The following PABPC4 variants were observed in gnomAD, a reference collection of about 807,000 sequenced individuals.
The protein encoded by PABPC4 is poly(A) binding protein cytoplasmic 4.
A neutral mutation model predicts 74.5 loss-of-function variants in PABPC4; 15 were observed. The observed-to-expected ratio is 0.20, with a 90% CI of 0.13 to 0.31. PABPC4 has a LOEUF of 0.31. Ranked by LOEUF, PABPC4 falls within the 10% of genes least tolerant of loss-of-function variation. The probability of loss-of-function intolerance (pLI) is 1.00; values close to 1 mark genes in which losing one functional copy is unlikely to be tolerated. For synonymous variants in PABPC4, 345 were observed against 303.0 expected (o/e 1.14, Z -1.44); for missense variants, 610 against 853.5 (o/e 0.71, Z 3.55).
At position 39,570,756 on chromosome 1, in the gene PABPC4, G is replaced by C. The variant is rs189237724; in HGVS notation, c.503+478C>G. ...TTACTGTGGAGCCAGCCTTGTATTAGGTCACTGAGTCATAAGTTAGAAAAT... is the reference window on the plus strand; with the variant it reads ...TTACTGTGGAGCCAGCCTTGTATTACGTCACTGAGTCATAAGTTAGAAAAT... On this transcript the variant is annotated intron_variant, in intron 3 of 15. Coordinates refer to ENST00000372858, the MANE Select transcript of PABPC4 (RefSeq NM_001135653.2). 3.6e-5 allele frequency: 6 copies of C among 167,060 alleles called. No individual in the cohort carries two copies. The East Asian group carries it at 9.5e-4, about 26-fold the overall frequency. The allele number at this position is 167,060 out of a possible 1,614,324, so 10.3% of individuals were successfully genotyped here.
Position 39,571,301 on chromosome 1 carries a change from C to T in PABPC4, c.436G>A (p.Glu146Lys), listed in dbSNP as rs1283402462. The change falls in exon 3 of 16, where the codon GAG (glutamate) becomes AAG (lysine). Residue 146 changes from glutamate to lysine, a missense_variant. By Grantham distance (56) the Glu-to-Lys change is moderately conservative (BLOSUM62 1). Transcript: ENST00000372858. ...GCCTTGTCGGCAGCCTCTTGGGTCT[C>T]GAAGTGGACAAAGGCATAACCCTTA... ...GSKGYAFVHFETQEAADKAIE... is the reference protein window; with the variant it reads ...GSKGYAFVHFKTQEAADKAIE... The T allele has an allele frequency of 6.2e-7, 1 of 1,614,166 alleles. No homozygotes were observed. Among genetic ancestry groups the T allele is most frequent in the Non-Finnish European group, 8.5e-7 (1 of 1,180,010 alleles).
At chr1:39,572,761 A>C (rs914482727) in intron 1 of PABPC4, 175 bp from the exon 2 acceptor site, 25 of 526,762 alleles carry the variant, frequency 4.7e-5, no homozygotes, top group African/African-American at 7.5e-5. Context: ...TAAGGGAAGC[A>C]TAAGTTCCAG....
intron 1 of PABPC4, among the ~76,000 whole-genome samples, chr1:39,574,409 T>C (rs930485665): frequency 2.0e-5 from 3 of 152,240 alleles, no homozygotes; most frequent in African/African-American, 4.8e-5. Context: ...GCTGCACTTA[T>C]TTATAGCAGG....
At chr1:39,561,612 C>G in intron 15 of PABPC4, 73 bp downstream of exon 15, 1 of 1,017,746 alleles carries the variant, frequency 9.8e-7, no homozygotes, top group Non-Finnish European at 1.5e-6. Context: ...TATACAACCT[C>G]AGGTCAAACC....
Position 39,567,863 on chromosome 1 carries a change from A to C in PABPC4, c.877-17T>G. On this transcript the variant is annotated splice_polypyrimidine_tract_variant and intron_variant, in intron 6 of 15. Coordinates refer to ENST00000372858, the MANE Select transcript of PABPC4 (RefSeq NM_001135653.2). ...ATTCACCCCCTGAAGGAAAAAGATC[A>C]CTGTTAACTACACTTCTATATCACA... is the stretch of plus-strand genomic sequence containing the variant. 4 of 1,347,058 alleles carry C rather than the reference A, an allele frequency of 3.0e-6. No individual in the cohort carries two copies. Among genetic ancestry groups the C allele is most frequent in the Non-Finnish European group, 4.3e-6 (4 of 937,792 alleles). The allele number at this position is 1,347,058 out of a possible 1,614,324, so 83.4% of individuals were successfully genotyped here. A position where few individuals can be genotyped will look rare whatever the true frequency, so the allele number is the denominator to read the frequency against.
intron 12 of PABPC4, chr1:39,563,382 C>T: frequency 1.9e-6 from 1 of 515,124 alleles, no homozygotes; most frequent in Non-Finnish European, 3.4e-6. Context: ...AGAGGAAGCA[C>T]TGGCTGCCCG....
In PABPC4 at chr1:39,560,964, T is replaced by A. The variant is rs753225483; in HGVS notation, c.*172A>T. The A allele has an allele frequency of 3.0e-6, 1 of 328,698 alleles. No homozygotes were observed. The highest frequency in any genetic ancestry group is 6.3e-6 in the Non-Finnish European group (1 of 157,636). The allele number at this position is 328,698 out of a possible 1,614,324, so 20.4% of individuals were successfully genotyped here. Reference sequence around the variant, plus strand: ...GCAGAACCCAAAGAACATATTCGTATAATTGAAAAATTCTAGGTGCTTCAT... The same window carrying A: ...GCAGAACCCAAAGAACATATTCGTAAAATTGAAAAATTCTAGGTGCTTCAT... On this transcript the variant is annotated 3_prime_UTR_variant, in exon 16 of 16. Transcript: ENST00000372858.
intron 7 of PABPC4, among the ~76,000 whole-genome samples, chr1:39,565,848 C>CAAAAA (rs138621048): frequency 0.051 from 7,672 of 151,466 alleles, 557 homozygotes; most frequent in African/African-American, 0.16. Context: ...CAAAACAAAA[C>CAAAAA]AAAACAAAAC....
chr1:39,569,774 A>G, intron 4 of PABPC4, 85 bp from the exon 5 acceptor site: 1 of 1,590,308 alleles, frequency 6.3e-7, no homozygotes, highest in Non-Finnish European at 8.6e-7. Context: ...ACTCACTTGA[A>G]GCAAATCTCT....
At chr1:39,564,227 A>C in intron 10 of PABPC4, 196 bp downstream of exon 10, 1 of 665,958 alleles carries the variant, frequency 1.5e-6, no homozygotes. Flanking sequence ...ATGAGCAAAG[A>C]ATGTTAAAAG....
At chr1:39,572,247 T>C in intron 2 of PABPC4, 146 bp downstream of exon 2, 2 of 649,348 alleles carry the variant, frequency 3.1e-6, no homozygotes, top group Non-Finnish European at 5.3e-6. Context: ...TGAGATTACC[T>C]ATGGGAACTT....
chr1:39,564,538 G>A lies in PABPC4; in HGVS notation c.1338C>T (p.Phe446=), dbSNP rs746103113. The A allele has an allele frequency of 7.4e-6, 12 of 1,613,976 alleles. No individual in the cohort carries two copies. Among genetic ancestry groups the A allele is most frequent in the Non-Finnish European group, 1.0e-5 (12 of 1,179,964 alleles). ...RWQQGGRPQG[F]QGMPSAIRQS... ...GGCGTATAGCACTTGGCATTCCTTG[G>A]AAGCCTGGTGAAGAGAAAAATTGCA... Residue 446 remains phenylalanine, a synonymous_variant, in exon 10 of 16, where the codon TTC becomes TTT. Coordinates refer to ENST00000372858, the MANE Select transcript of PABPC4 (RefSeq NM_001135653.2).
rs1645780770 is a variant in PABPC4 at position 39,562,539 on chromosome 1, G to A, written c.1669-123C>T. 1.2e-5 allele frequency: 8 copies of A among 685,612 alleles called. No individual in the cohort carries two copies. The South Asian group carries it at 1.4e-4, about 12-fold the overall frequency. The allele number at this position is 685,612 out of a possible 1,614,324, so 42.5% of individuals were successfully genotyped here. A position where few individuals can be genotyped will look rare whatever the true frequency, so the allele number is the denominator to read the frequency against. On this transcript the variant is annotated intron_variant, in intron 12 of 15. Coordinates refer to ENST00000372858, the MANE Select transcript of PABPC4 (RefSeq NM_001135653.2). ...AAGAGGAGAGGAGGTGGCTGTCCTT[G>A]CTCTAAAGGAACTAATTTCAGTCCT... is the stretch of plus-strand genomic sequence containing the variant.
In PABPC4 at chr1:39,563,937, C is replaced by G. The variant is rs920029017; in HGVS notation, c.1454-15G>C. On this transcript the variant is annotated splice_polypyrimidine_tract_variant and intron_variant, in intron 10 of 15. Transcript: ENST00000372858. The stretch of plus-strand genomic sequence containing the variant: ...GCACTCAGACCCTACAACAGACCAG[C>G]AAATGCACATCAGTGTTGGCGGCAG... 5 of 1,612,780 alleles carry G rather than the reference C, an allele frequency of 3.1e-6. No homozygotes were observed. The African/African-American group carries it at 4.0e-5, about 13-fold the overall frequency.
At chr1:39,566,326 G>T (rs1236070817) in intron 7 of PABPC4, among the ~76,000 whole-genome samples, 8 of 152,114 alleles carry the variant, frequency 5.3e-5, no homozygotes, top group East Asian at 1.9e-4. Context: ...GTCCTAAAAT[G>T]TTCAGGTAAC....
chr1:39,563,770 C>CCCATCAG, intron 11 of PABPC4, 29 bp from the exon 12 acceptor site: 1 of 1,613,692 alleles, frequency 6.2e-7, no homozygotes, highest in Non-Finnish European at 8.5e-7. Flanking sequence ...ACAATTAAAG[C>CCCATCAG]CCATCAGTCT....
intron 7 of PABPC4, among the ~76,000 whole-genome samples, chr1:39,566,566 AT>A (rs1229741479): frequency 6.6e-6 from 1 of 152,204 alleles, no homozygotes; most frequent in Non-Finnish European, 1.5e-5. Flanking sequence ...TGTGACTGTC[AT>A]TGTTTTATGT....
rs183001571 is a variant in PABPC4 at position 39,575,373 on chromosome 1, G to C, written c.193+386C>G. 3.9e-5 allele frequency among the ~76,000 whole-genome samples: 6 copies of C among 152,318 alleles called. No homozygotes were observed. The East Asian group carries it at 1.2e-3, about 29-fold the overall frequency. ...ATGTAAAACTTTCGCGGGGAATTGTGTTTCAAACGTCCCGCCTTTTTGGCC... is the reference window on the plus strand; with the variant it reads ...ATGTAAAACTTTCGCGGGGAATTGTCTTTCAAACGTCCCGCCTTTTTGGCC... On this transcript the variant is annotated intron_variant, in intron 1 of 15. Transcript: ENST00000372858.
chr1:39,565,202 C>A lies in PABPC4; in HGVS notation c.1149G>T (p.Met383Ile). ...ERKAHLTNQY[M>I]QRVAGMRALP... is the part of the protein sequence containing the mutation. ...GTGCTCTCATTCCAGCCACTCGTTG[C>A]ATATACTGGTTGGTCAGGTGAGCCT... Residue 383 changes from methionine to isoleucine, a missense_variant, in exon 8 of 16, where the codon ATG becomes ATT. Transcript: ENST00000372858. 3 of 1,614,188 alleles carry A rather than the reference C, an allele frequency of 1.9e-6. No individual in the cohort carries two copies. Among genetic ancestry groups the A allele is most frequent in the Non-Finnish European group, 2.5e-6 (3 of 1,180,034 alleles).
Sources: allele counts gnomAD v4.1 joint callset (sites outside exome capture counted in the v4.1 genomes callset), GRCh38; gene constraint gnomAD v4.1.1; transcripts MANE v1.5; gene names NCBI Gene and HGNC (gene_info 2026-07-23, HGNC 2026-07-21).